The following NKAIN3 variants were observed in gnomAD, a reference collection of about 807,000 sequenced individuals.
NKAIN3 encodes the protein sodium/potassium transporting ATPase interacting 3.
In NKAIN3, 25 loss-of-function variants were observed where a neutral mutation model predicts 30.2. The ratio of observed to expected loss-of-function variants is 0.83; its 90% CI spans 0.60 to 1.16. The LOEUF (loss-of-function observed/expected upper bound fraction) is 1.16. Ranked by LOEUF, NKAIN3 falls within the 50% of genes most tolerant of loss-of-function variation. The pLI is 0.00. For missense variants in NKAIN3, 225 were observed against 254.1 expected, an observed-to-expected ratio of 0.89 and a Z score of 0.78; for synonymous variants, 91 against 89.6, an observed-to-expected ratio of 1.02 and a Z score of -0.09.
At chr8:62,609,544 G>C (rs1156815568) in intron 3 of NKAIN3, among the ~76,000 whole-genome samples, 1 of 152,040 alleles carries the variant, frequency 6.6e-6, no homozygotes, top group Non-Finnish European at 1.5e-5. Context: ...AATATAACTG[G>C]GGGATAAAAA....
chr8:62,674,949 A>C (rs1813425794), intron 3 of NKAIN3, among the ~76,000 whole-genome samples: 1 of 152,178 alleles, frequency 6.6e-6, no homozygotes, highest in Non-Finnish European at 1.5e-5. Flanking sequence ...CTCCTCCCCA[A>C]ATCTTAGACT....
At chr8:62,781,581 A>G (rs778812517) in intron 4 of NKAIN3, among the ~76,000 whole-genome samples, 12 of 152,060 alleles carry the variant, frequency 7.9e-5, no homozygotes, top group Non-Finnish European at 1.3e-4. Context: ...AAATAGATGC[A>G]TGGACCAATG....
At chr8:62,745,371 A>G (rs958823948) in intron 3 of NKAIN3, among the ~76,000 whole-genome samples, 11 of 152,280 alleles carry the variant, frequency 7.2e-5, no homozygotes, top group African/African-American at 2.4e-4. Context: ...GACAGAGCTC[A>G]CTGTTGGAGG....
At chr8:62,488,498 A>G (rs1806971281) in intron 1 of NKAIN3, among the ~76,000 whole-genome samples, 1 of 152,104 alleles carries the variant, frequency 6.6e-6, no homozygotes, top group Non-Finnish European at 1.5e-5. Context: ...TCATCTTCAT[A>G]TCCCTATTGC....
intron 3 of NKAIN3, among the ~76,000 whole-genome samples, chr8:62,677,734 A>G (rs1208950509): frequency 6.6e-6 from 1 of 152,168 alleles, no homozygotes; most frequent in African/African-American, 2.4e-5. Context: ...TTATATGCCA[A>G]TCTTAAATCC....
At chr8:62,284,130 A>G (rs1009621353) in intron 1 of NKAIN3, among the ~76,000 whole-genome samples, 1 of 152,108 alleles carries the variant, frequency 6.6e-6, no homozygotes, top group Non-Finnish European at 1.5e-5. Flanking sequence ...GAGTCCCAGA[A>G]GGGGTATCAG....
chr8:62,723,901 G>A (rs1403835775), intron 3 of NKAIN3, among the ~76,000 whole-genome samples: 2 of 152,090 alleles, frequency 1.3e-5, no homozygotes, highest in African/African-American at 2.4e-5. Context: ...ACATTTAAAC[G>A]AAAATGCTTT....
At chr8:62,829,417 C>T (rs901629847) in intron 4 of NKAIN3, among the ~76,000 whole-genome samples, 7 of 151,954 alleles carry the variant, frequency 4.6e-5, no homozygotes, top group African/African-American at 1.2e-4. Context: ...TGATGTCACA[C>T]GTCACTACCA....
chr8:62,603,997 G>A (rs1302922543), intron 3 of NKAIN3, among the ~76,000 whole-genome samples: 2 of 152,068 alleles, frequency 1.3e-5, no homozygotes, highest in African/African-American at 4.8e-5. Flanking sequence ...ATACCCTTTG[G>A]TATGAAGTTC....
chr8:62,249,240 C>T, intron 1 of NKAIN3, 113 bp downstream of exon 1: 1 of 878,700 alleles, frequency 1.1e-6, no homozygotes, highest in Non-Finnish European at 1.7e-6. Flanking sequence ...GTGAACAGGG[C>T]GCTCCGCCCG....
At chr8:62,985,911 C>A (rs1824190631), downstream of NKAIN3, among the ~76,000 whole-genome samples, 1 of 152,180 alleles carries the variant, frequency 6.6e-6, no homozygotes, top group Admixed American at 6.5e-5. Context: ...AGCACAACAA[C>A]ATAAAAATTC....
intron 4 of NKAIN3, among the ~76,000 whole-genome samples, chr8:62,858,925 C>A (rs1170445935): frequency 6.6e-6 from 1 of 152,178 alleles, no homozygotes; most frequent in Admixed American, 6.5e-5. Context: ...TGTACAGACA[C>A]CGTGCATTGC....
chr8:62,290,149 C>T (rs1182195681), intron 1 of NKAIN3, among the ~76,000 whole-genome samples: 11 of 152,188 alleles, frequency 7.2e-5, no homozygotes, highest in South Asian at 4.2e-4. Context: ...TGGGCTGAGA[C>T]GATGGGGTTT....
At chr8:62,660,444 C>CT (rs57996773) in intron 3 of NKAIN3, among the ~76,000 whole-genome samples, 5,908 of 148,782 alleles carry the variant, frequency 0.04, 169 homozygotes, top group Middle Eastern at 0.085. Context: ...ACTAGGCTTG[C>CT]TTTTTTTTTT....
chr8:62,930,297 A>T (rs1822579404), intron 5 of NKAIN3, among the ~76,000 whole-genome samples: 1 of 151,890 alleles, frequency 6.6e-6, no homozygotes, highest in Non-Finnish European at 1.5e-5. Flanking sequence ...CTTGTCCCCC[A>T]GGCTGGAGTG....
chr8:62,698,225 CATGAGAAGAAA>C (rs1332956791), intron 3 of NKAIN3, among the ~76,000 whole-genome samples: 30 of 152,036 alleles, frequency 2.0e-4, no homozygotes, highest in African/African-American at 6.0e-4. Flanking sequence ...GTAATGATGC[CATGAGAAGAAA>C]ATGTTCAAGT....
At chr8:62,912,048 GT>G (rs1408717582) in intron 4 of NKAIN3, among the ~76,000 whole-genome samples, 2 of 152,118 alleles carry the variant, frequency 1.3e-5, no homozygotes, top group African/African-American at 4.8e-5. Context: ...ACATCATAGA[GT>G]TTACTTACAC....
At chr8:62,439,232 T>C (rs1419760461) in intron 1 of NKAIN3, among the ~76,000 whole-genome samples, 5 of 152,060 alleles carry the variant, frequency 3.3e-5, no homozygotes, top group African/African-American at 7.2e-5. Context: ...TGAGCCTGAG[T>C]CCTCTGGATT....
chr8:62,472,519 A>G (rs774267333), intron 1 of NKAIN3, among the ~76,000 whole-genome samples: 8 of 152,204 alleles, frequency 5.3e-5, no homozygotes, highest in Non-Finnish European at 8.8e-5. Context: ...TATCACCTCA[A>G]CTTAGTAGGG....
Sources: allele counts gnomAD v4.1 joint callset (sites outside exome capture counted in the v4.1 genomes callset), GRCh38; gene constraint gnomAD v4.1.1; transcripts MANE v1.5; gene names NCBI Gene and HGNC (gene_info 2026-07-23, HGNC 2026-07-21).